LHX8: variants seen among roughly 807,000 people sequenced by gnomAD.
LHX8 encodes the protein LIM/homeobox protein Lhx8.
A neutral mutation model predicts 40.3 loss-of-function variants in LHX8; 12 were observed. That is an observed-to-expected ratio of 0.30 (90% confidence interval 0.19 to 0.48). LHX8 has a LOEUF of 0.48. LHX8 is among the 20% of genes least tolerant of loss of function. The pLI, the probability that LHX8 is intolerant of heterozygous loss-of-function variation, is 0.99. For synonymous variants in LHX8, 179 were observed against 162.0 expected, an observed-to-expected ratio of 1.10 and a Z score of -0.80; for missense variants, 344 against 433.7, an observed-to-expected ratio of 0.79 and a Z score of 1.84.
At chr1:75,143,751 A>T in intron 5 of LHX8, 94 bp from the exon 6 acceptor site, 1 of 917,238 alleles carries the variant, frequency 1.1e-6, no homozygotes, top group Non-Finnish European at 1.8e-6. Flanking sequence ...ATATACAGTT[A>T]CACAAAAAGC....
chr1:75,141,373 G>A (rs941671770), intron 4 of LHX8, among the ~76,000 whole-genome samples: 2 of 151,960 alleles, frequency 1.3e-5, no homozygotes, highest in Non-Finnish European at 2.9e-5. Flanking sequence ...TACAAACAGG[G>A]AATCTTTTTT....
chr1:75,136,631 G>A lies in LHX8; in HGVS notation c.17G>A (p.Gly6Glu), dbSNP rs1648143478. The change falls in exon 2 of 9, where the codon GGG (glycine) becomes GAG (glutamate). Residue 6 changes from glycine to glutamate, a missense_variant. By Grantham distance (98) the Gly-to-Glu change is moderately conservative. Around this residue, in one of 3 missense-constraint regions of LHX8, gnomAD observed 108 missense variants for 90.1 expected, o/e 1.20. Transcript: ENST00000356261. MSEEC[G>E]RTTALAAGRT... ...CAGGGGCTCATGTCAGAGGAGTGCG[G>A]GCGGACTACAGCCCTGGCGGCCGGG... The A allele has an allele frequency of 1.3e-6, 2 of 1,549,822 alleles. No homozygotes were observed. Among genetic ancestry groups the A allele is most frequent in the Non-Finnish European group, 1.7e-6 (2 of 1,146,760 alleles).
chr1:75,174,902 G>A, the LHX8 span, among the ~76,000 whole-genome samples: 1 of 151,878 alleles, frequency 6.6e-6, no homozygotes, highest in Non-Finnish European at 1.5e-5. Context: ...GGAGATTTTG[G>A]TGCATCCATC....
the LHX8 span, among the ~76,000 whole-genome samples, chr1:75,188,040 C>T: frequency 1.3e-5 from 2 of 152,144 alleles, no homozygotes; most frequent in Middle Eastern, 3.2e-3. Context: ...TCCTTCCCTT[C>T]CTTCTACATG....
intron 6 of LHX8, among the ~76,000 whole-genome samples, chr1:75,144,971 A>T (rs1648421855): frequency 6.6e-6 from 1 of 152,128 alleles, no homozygotes; most frequent in Admixed American, 6.6e-5. Context: ...AGAAACCTTG[A>T]TGTGACACAC....
At chr1:75,185,875 ATTAC>A in the LHX8 span, among the ~76,000 whole-genome samples, 6 of 152,182 alleles carry the variant, frequency 3.9e-5, no homozygotes, top group Non-Finnish European at 5.9e-5. Context: ...AAGCACAAAA[ATTAC>A]TAGCATTCCT....
At chr1:75,130,816 C>G (rs1647942249), upstream of LHX8, 1 of 1,330,458 alleles carries the variant, frequency 7.5e-7, no homozygotes, top group Non-Finnish European at 1.1e-6. Flanking sequence ...ACGTGATGGG[C>G]AAAAATCCAA....
At chr1:75,191,439 C>A in the LHX8 span, among the ~76,000 whole-genome samples, 3 of 152,110 alleles carry the variant, frequency 2.0e-5, no homozygotes, top group African/African-American at 7.2e-5. Flanking sequence ...AAGGGAAACA[C>A]GGTTGGAGCA....
chr1:75,138,968 A>G (rs1057385180), intron 3 of LHX8, among the ~76,000 whole-genome samples: 1 of 152,132 alleles, frequency 6.6e-6, no homozygotes, highest in Non-Finnish European at 1.5e-5. Flanking sequence ...TATATGATTG[A>G]CAAAAACTGA....
chr1:75,195,426 G>A, the LHX8 span, among the ~76,000 whole-genome samples: 1 of 152,116 alleles, frequency 6.6e-6, no homozygotes, highest in Non-Finnish European at 1.5e-5. Flanking sequence ...CTTATCCTTA[G>A]GTGAATGGAT....
At chr1:75,135,341 G>C (rs1648089908) in intron 1 of LHX8, among the ~76,000 whole-genome samples, 1 of 152,226 alleles carries the variant, frequency 6.6e-6, no homozygotes, top group African/African-American at 2.4e-5. Context: ...ACGCGCGCGG[G>C]GCGCCCCTGA....
At chr1:75,138,789 T>C (rs1557486798) in intron 3 of LHX8, among the ~76,000 whole-genome samples, 1 of 152,154 alleles carries the variant, frequency 6.6e-6, no homozygotes, top group Non-Finnish European at 1.5e-5. Flanking sequence ...CTTGTATACA[T>C]TTATATATTA....
chr1:75,169,033 C>G, the LHX8 span, among the ~76,000 whole-genome samples: 1 of 152,128 alleles, frequency 6.6e-6, no homozygotes, highest in Non-Finnish European at 1.5e-5. Flanking sequence ...TGTTGAAACC[C>G]CCCCTGTGGC....
the LHX8 span, among the ~76,000 whole-genome samples, chr1:75,178,989 G>A: frequency 6.6e-6 from 1 of 152,214 alleles, no homozygotes; most frequent in Admixed American, 6.5e-5. Flanking sequence ...GGTTTTGAGT[G>A]AGTTCCTTAA....
chr1:75,160,524 G>A (rs1297685569), intron 8 of LHX8: 1 of 398,910 alleles, frequency 2.5e-6, no homozygotes, highest in Admixed American at 4.0e-5. Context: ...TCTCTGAAGA[G>A]GAACCCATGT....
the LHX8 span, among the ~76,000 whole-genome samples, chr1:75,169,504 G>A: frequency 6.6e-6 from 1 of 152,166 alleles, no homozygotes; most frequent in Admixed American, 6.5e-5. Context: ...GGGCGGTGGA[G>A]GTGGGTGGGT....
At chr1:75,188,283 A>C in the LHX8 span, among the ~76,000 whole-genome samples, 1 of 152,208 alleles carries the variant, frequency 6.6e-6, no homozygotes, top group South Asian at 2.1e-4. Context: ...ATTTAAAGAC[A>C]GAGTGGGAGT....
the LHX8 span, among the ~76,000 whole-genome samples, chr1:75,168,515 C>T: frequency 3.9e-3 from 595 of 152,332 alleles, 3 homozygotes; most frequent in African/African-American, 0.012. Context: ...GCGTGAGCCA[C>T]TGCACCTGGC....
chr1:75,154,837 T>A (rs1157668905), intron 7 of LHX8, among the ~76,000 whole-genome samples: 1 of 152,212 alleles, frequency 6.6e-6, no homozygotes, highest in Non-Finnish European at 1.5e-5. Context: ...AGCTGCTACT[T>A]TTCAGCCTCC....
Sources: gnomAD v4.1 joint callset for allele counts (sites outside exome capture counted in the v4.1 genomes callset) on GRCh38, gnomAD v4.1.1 for gene constraint, gnomAD v4.1.1 regional missense constraint, MANE v1.5 for transcripts, NCBI Gene and HGNC (gene_info 2026-07-23, HGNC 2026-07-21) for gene names.